Variants in CLNK observed in about 807,000 individuals in gnomAD.
CLNK encodes the protein cytokine-dependent hematopoietic cell linker.
A neutral mutation model predicts 68.6 loss-of-function variants in CLNK; 74 were observed. That is an observed-to-expected ratio of 1.08 (90% confidence interval 0.89 to 1.31). The LOEUF (loss-of-function observed/expected upper bound fraction) is 1.31, where lower values mean the gene tolerates loss of function less well. CLNK is among the 50% of genes most tolerant of loss of function. CLNK has a pLI of 0.00. For missense variants in CLNK, 553 were observed against 515.3 expected (o/e 1.07, Z -0.71); for synonymous variants, 198 against 172.2 (o/e 1.15, Z -1.17).
the CLNK span, among the ~76,000 whole-genome samples, chr4:10,703,703 C>G: frequency 6.6e-6 from 1 of 152,162 alleles, no homozygotes; most frequent in Admixed American, 6.5e-5. Flanking sequence ...CTACTACACA[C>G]CTAGGCATAT....
At chr4:10,712,434 A>T in the CLNK span, among the ~76,000 whole-genome samples, 7 of 152,218 alleles carry the variant, frequency 4.6e-5, no homozygotes, top group Non-Finnish European at 1.0e-4. Context: ...ACCCTGGCTC[A>T]TTTCTGCAAA....
At chr4:10,720,007 G>C in the CLNK span, among the ~76,000 whole-genome samples, 1 of 151,986 alleles carries the variant, frequency 6.6e-6, no homozygotes, top group Non-Finnish European at 1.5e-5. Flanking sequence ...TCATTGAGTT[G>C]AATGAAAATG....
At chr4:10,568,575 G>T (rs1720215076) in intron 5 of CLNK, among the ~76,000 whole-genome samples, 1 of 152,182 alleles carries the variant, frequency 6.6e-6, no homozygotes, top group Admixed American at 6.5e-5. Flanking sequence ...AAGTAGACAA[G>T]AAAGAAAGAG....
intron 1 of CLNK, among the ~76,000 whole-genome samples, chr4:10,668,475 T>A (rs1724496543): frequency 6.6e-6 from 1 of 152,232 alleles, no homozygotes. Flanking sequence ...TGATCTCATA[T>A]AATCTACTCA....
At chr4:10,657,321 G>A (rs1724026339) in intron 2 of CLNK, among the ~76,000 whole-genome samples, 2 of 152,132 alleles carry the variant, frequency 1.3e-5, no homozygotes, top group African/African-American at 4.8e-5. Context: ...GCTTGTTAGG[G>A]GTGAGGAGTT....
the CLNK span, chr4:10,697,581 C>T: frequency 6.6e-6 from 1 of 152,162 alleles, no homozygotes; most frequent in African/African-American, 2.4e-5. Flanking sequence ...TCCCCTTTCC[C>T]AAATAATTCA....
intron 2 of CLNK, among the ~76,000 whole-genome samples, chr4:10,605,663 A>G (rs1200916422): frequency 6.6e-6 from 1 of 151,942 alleles, no homozygotes; most frequent in Non-Finnish European, 1.5e-5. Flanking sequence ...CCCCGTCTCT[A>G]CTAAAAATAC....
At chr4:10,623,783 T>C (rs1722551345) in intron 2 of CLNK, among the ~76,000 whole-genome samples, 2 of 152,200 alleles carry the variant, frequency 1.3e-5, no homozygotes, top group Non-Finnish European at 2.9e-5. Flanking sequence ...GTGTGAAAAG[T>C]GCTCAGATAA....
chr4:10,554,014 G>A (rs928784803), intron 8 of CLNK, among the ~76,000 whole-genome samples: 2 of 152,186 alleles, frequency 1.3e-5, no homozygotes, highest in African/African-American at 4.8e-5. Context: ...TTAGTTACAA[G>A]GAGGGGCTGG....
intron 8 of CLNK, among the ~76,000 whole-genome samples, chr4:10,558,001 A>G (rs1719741029): frequency 6.6e-6 from 1 of 152,222 alleles, no homozygotes; most frequent in Non-Finnish European, 1.5e-5. Flanking sequence ...TTCGTCTTCA[A>G]ATTGAGTTGT....
At chr4:10,523,415 G>A (rs1248054848) in intron 14 of CLNK, among the ~76,000 whole-genome samples, 3 of 152,178 alleles carry the variant, frequency 2.0e-5, no homozygotes, top group African/African-American at 7.2e-5. Context: ...ACATGGGGTT[G>A]AAGTTTGATG....
the CLNK span, among the ~76,000 whole-genome samples, chr4:10,724,662 A>T: frequency 0.43 from 65,217 of 151,912 alleles, 14,874 homozygotes; most frequent in East Asian, 0.58. Flanking sequence ...AGCTCTTAGG[A>T]AGAAGAGAGG....
At chr4:10,525,063 C>T (rs1718247359) in intron 14 of CLNK, among the ~76,000 whole-genome samples, 2 of 152,170 alleles carry the variant, frequency 1.3e-5, no homozygotes, top group Non-Finnish European at 1.5e-5. Flanking sequence ...AATATCCTGA[C>T]TGAGCCTTGG....
intron 8 of CLNK, among the ~76,000 whole-genome samples, chr4:10,554,612 G>A (rs187564028): frequency 2.4e-4 from 37 of 152,082 alleles, no homozygotes; most frequent in African/African-American, 8.9e-4. Flanking sequence ...CGTTAACTTT[G>A]AATGAGCATT....
chr4:10,629,376 C>A (rs1052867811), intron 2 of CLNK, among the ~76,000 whole-genome samples: 1 of 152,190 alleles, frequency 6.6e-6, no homozygotes, highest in Admixed American at 6.5e-5. Context: ...CTGACCTGGC[C>A]TCGGCTTTCA....
At chr4:10,597,656 C>G (rs1022755188) in intron 3 of CLNK, among the ~76,000 whole-genome samples, 2 of 152,170 alleles carry the variant, frequency 1.3e-5, no homozygotes, top group African/African-American at 4.8e-5. Flanking sequence ...TCATTCAAAT[C>G]ATTCATTGGC....
At chr4:10,647,400 G>C (rs368211756) in intron 2 of CLNK, among the ~76,000 whole-genome samples, 1 of 152,068 alleles carries the variant, frequency 6.6e-6, no homozygotes, top group African/African-American at 2.4e-5. Context: ...TTGAAGACTG[G>C]GAAATAGTTA....
chr4:10,582,246 T>C (rs1269627235), intron 4 of CLNK, among the ~76,000 whole-genome samples: 2 of 152,182 alleles, frequency 1.3e-5, no homozygotes, highest in Non-Finnish European at 2.9e-5. Flanking sequence ...CATTGCAGCA[T>C]CTGGAAACAG....
At chr4:10,672,160 G>C (rs1724672364) in intron 1 of CLNK, among the ~76,000 whole-genome samples, 1 of 152,198 alleles carries the variant, frequency 6.6e-6, no homozygotes, top group Non-Finnish European at 1.5e-5. Flanking sequence ...ATAGTACTCA[G>C]ACTACGAGGA....
Sources: gnomAD v4.1 joint callset for allele counts (sites outside exome capture counted in the v4.1 genomes callset) on GRCh38, gnomAD v4.1.1 for gene constraint, MANE v1.5 for transcripts, NCBI Gene and HGNC (gene_info 2026-07-23, HGNC 2026-07-21) for gene names.